PAX3: variants seen among roughly 807,000 people sequenced by gnomAD.
The protein encoded by PAX3 is paired box protein Pax-3.
Under a neutral mutation model 51.6 loss-of-function variants are expected in PAX3, and 14 were observed. The ratio of observed to expected loss-of-function variants is 0.27; its 90% CI spans 0.18 to 0.42. PAX3 has a LOEUF of 0.42. Among genes scored for constraint, PAX3 ranks in the 10% least tolerant of loss-of-function variants. The pLI is 1.00. For missense variants in PAX3, 540 were observed against 642.8 expected, an observed-to-expected ratio of 0.84 and a Z score of 1.73; for synonymous variants, 280 against 253.4, an observed-to-expected ratio of 1.11 and a Z score of -1.00.
chr2:222,296,968 G>A lies in PAX3; in HGVS notation c.321+10C>T, dbSNP rs140960868. ...TCTGGGAGCCAGGAGGGCAAGGCCC[G>A]CCCGCTCACCTTGGGCTTGCTGCCG... On this transcript the variant is annotated intron_variant, in intron 2 of 8. Coordinates refer to ENST00000392070, the MANE Select transcript of PAX3 (RefSeq NM_181458.4). 17 of 1,606,292 alleles carry A rather than the reference G, an allele frequency of 1.1e-5. No homozygotes were observed. The South Asian group carries it at 1.6e-4, about 15-fold the overall frequency.
intron 5 of PAX3, among the ~76,000 whole-genome samples, chr2:222,228,958 A>T (rs565166452): frequency 6.6e-6 from 1 of 152,032 alleles, no homozygotes; most frequent in Admixed American, 6.6e-5. Flanking sequence ...AAACAAACAA[A>T]CAAACAAAAA....
At chr2:222,293,932 G>A in intron 4 of PAX3, 1 of 1,392,340 alleles carries the variant, frequency 7.2e-7, no homozygotes. Flanking sequence ...GGCTGAAAGT[G>A]GTTAAGAAAG....
At chr2:222,240,661 A>G (rs578134600) in intron 4 of PAX3, among the ~76,000 whole-genome samples, 1 of 152,272 alleles carries the variant, frequency 6.6e-6, no homozygotes, top group Admixed American at 6.5e-5. Context: ...ATACCCACCA[A>G]CCCGTACCTG....
At chr2:222,202,807 C>T (rs1691351738) in intron 7 of PAX3, among the ~76,000 whole-genome samples, 1 of 150,208 alleles carries the variant, frequency 6.7e-6, no homozygotes, top group South Asian at 2.1e-4. Context: ...CTTTATTTAC[C>T]CCTCCCACTG....
chr2:222,201,644 A>T, intron 8 of PAX3: 1 of 1,348,146 alleles, frequency 7.4e-7, no homozygotes, highest in African/African-American at 1.5e-5. Flanking sequence ...TGACCTCATT[A>T]AGAACATGTG....
chr2:222,287,707 A>C (rs1654179419), intron 4 of PAX3, among the ~76,000 whole-genome samples: 1 of 152,238 alleles, frequency 6.6e-6, no homozygotes, highest in Admixed American at 6.5e-5. Flanking sequence ...TCTACACTGC[A>C]ATGTTTGGTA....
intron 4 of PAX3, 71 bp downstream of exon 4, chr2:222,294,096 T>G (rs1310926259): frequency 1.2e-6 from 2 of 1,606,082 alleles, no homozygotes; most frequent in Admixed American, 1.7e-5. Flanking sequence ...TGCCGTCAGA[T>G]CACCAATGTC....
intron 4 of PAX3, among the ~76,000 whole-genome samples, chr2:222,259,614 G>A (rs2106140919): frequency 6.6e-6 from 1 of 152,298 alleles, no homozygotes; most frequent in South Asian, 2.1e-4. Context: ...TTCAAAGCCA[G>A]AGTTGATACA....
chr2:222,238,056 C>T (rs759477018), intron 4 of PAX3, among the ~76,000 whole-genome samples: 1 of 152,178 alleles, frequency 6.6e-6, no homozygotes, highest in Non-Finnish European at 1.5e-5. Context: ...TCCTAATCAT[C>T]TCACATTAAC....
chr2:222,250,737 T>C (rs909289471), intron 4 of PAX3, among the ~76,000 whole-genome samples: 4 of 152,224 alleles, frequency 2.6e-5, no homozygotes, highest in Admixed American at 1.3e-4. Context: ...CTTTATTCTC[T>C]TCTGAGATTT....
chr2:222,262,999 T>A (rs981861078), intron 4 of PAX3: 1 of 152,114 alleles, frequency 6.6e-6, no homozygotes, highest in Non-Finnish European at 1.5e-5. Flanking sequence ...AAATGGGTCA[T>A]AGAACTAAAT....
chr2:222,284,486 A>G (rs1252409522), intron 4 of PAX3, among the ~76,000 whole-genome samples: 1 of 152,248 alleles, frequency 6.6e-6, no homozygotes, highest in Non-Finnish European at 1.5e-5. Context: ...ATCTCAGCTA[A>G]TGGTTTTAGA....
intron 7 of PAX3, among the ~76,000 whole-genome samples, chr2:222,204,932 G>T (rs915879940): frequency 8.5e-5 from 13 of 152,070 alleles, no homozygotes; most frequent in Admixed American, 8.5e-4. Context: ...TTTCCCATGA[G>T]CTATATGTAC....
chr2:222,249,419 G>A (rs1179506580), intron 4 of PAX3, among the ~76,000 whole-genome samples: 1 of 151,994 alleles, frequency 6.6e-6, no homozygotes, highest in Non-Finnish European at 1.5e-5. Context: ...TTCAGTCTTA[G>A]GCCTTAGGAA....
rs1474630437 is a variant in PAX3, at chr2:222,277,991, C to T, written c.586+16176G>A. 2.0e-5 allele frequency among the ~76,000 whole-genome samples: 3 copies of T among 146,506 alleles called. No homozygotes were observed. The East Asian group carries it at 6.0e-4, about 29-fold the overall frequency. On this transcript the variant is annotated intron_variant, in intron 4 of 8. Coordinates refer to ENST00000392070, the MANE Select transcript of PAX3 (RefSeq NM_181458.4). ...ATTTCTTTTTTTTTTTTTAGCTCAT[C>T]AGCTATCGTGTTAGTGTTAGTGTAT...
At position 222,221,298 on chromosome 2, in the gene PAX3, G is replaced by T; in HGVS notation, c.882C>A (p.Phe294Leu). The T allele has an allele frequency of 6.2e-7, 1 of 1,614,046 alleles. No individual in the cohort carries two copies. Among genetic ancestry groups the T allele is most frequent in the Non-Finnish European group, 8.5e-7 (1 of 1,179,932 alleles). Residue 294 changes from phenylalanine to leucine, a missense_variant, in exon 6 of 9, where the codon TTC (phenylalanine) becomes TTA (leucine). This residue lies in a region of PAX3 where 427 missense variants were observed against 483.6 expected (regional missense o/e 0.88). Coordinates refer to ENST00000392070, the MANE Select transcript of PAX3 (RefSeq NM_181458.4). ...GCAAGGTCGGCATGGCAGTGGGAGG[G>T]AACCCCCCGGGAATGAGATGGTTGA... ...MAFNHLIPGG[F>L]PPTAMPTLPT...
chr2:222,294,429 G>C (rs985848452), intron 3 of PAX3, 128 bp from the exon 4 acceptor site: 8 of 978,670 alleles, frequency 8.2e-6, no homozygotes, highest in Non-Finnish European at 1.3e-5. Context: ...ACTGCTCGCG[G>C]GTGTCTCCTC....
chr2:222,296,245 G>C (rs1209098419), intron 2 of PAX3, among the ~76,000 whole-genome samples: 1 of 152,250 alleles, frequency 6.6e-6, no homozygotes, highest in Non-Finnish European at 1.5e-5. Flanking sequence ...TAGAAAGGCT[G>C]TGAAAGTGTT....
intron 7 of PAX3, among the ~76,000 whole-genome samples, chr2:222,205,613 G>A (rs1691474152): frequency 6.6e-6 from 1 of 152,058 alleles, no homozygotes; most frequent in African/African-American, 2.4e-5. Context: ...CTGAAACTGC[G>A]ATTAATAAAT....
Sources: allele counts gnomAD v4.1 joint callset (sites outside exome capture counted in the v4.1 genomes callset), GRCh38; gene constraint gnomAD v4.1.1; regional missense constraint gnomAD v4.1.1; transcripts MANE v1.5; gene names NCBI Gene and HGNC (gene_info 2026-07-23, HGNC 2026-07-21).